DCC: variants seen among roughly 807,000 people sequenced by gnomAD.
The protein encoded by DCC is DCC netrin 1 receptor, also known as netrin receptor DCC.
A neutral mutation model predicts 172.5 loss-of-function variants in DCC; 58 were observed. That is an observed-to-expected ratio of 0.34 (90% confidence interval 0.27 to 0.42). The LOEUF is 0.42. DCC is among the 10% of genes least tolerant of loss of function. The pLI, the probability that DCC is intolerant of heterozygous loss-of-function variation, is 1.00. For synonymous variants in DCC, 709 were observed against 644.5 expected, an observed-to-expected ratio of 1.10 and a Z score of -1.52; for missense variants, 1,740 against 1,791.0, an observed-to-expected ratio of 0.97 and a Z score of 0.51.
rs77235945 is a variant in DCC at position 53,169,003 on chromosome 18, T to C, written c.1419-9959T>C. Among the ~76,000 whole-genome samples the C allele has an allele frequency of 7.9e-4, 120 of 152,268 alleles. 4 individuals are homozygous for C. In the East Asian group the frequency reaches 0.022, roughly 27 times the overall value. Reference sequence around the variant, plus strand: ...ATTGAGAAGACTAATGGCAAAATGCTAGAAAAAGCTATTATTATAATGCAA... The same window carrying C: ...ATTGAGAAGACTAATGGCAAAATGCCAGAAAAAGCTATTATTATAATGCAA... On this transcript the variant is annotated intron_variant, in intron 8 of 28. Coordinates refer to ENST00000442544, the MANE Select transcript of DCC (RefSeq NM_005215.4).
chr18:52,447,909 A>G (rs921995293), intron 1 of DCC, among the ~76,000 whole-genome samples: 1 of 152,302 alleles, frequency 6.6e-6, no homozygotes, highest in South Asian at 2.1e-4. Context: ...ACCTCCCACG[A>G]GGCCCCACCT....
rs66817508 is a variant in DCC, at chr18:53,427,885, TA to T, written c.3164-7257del. On this transcript the variant is annotated intron_variant, in intron 21 of 28. Coordinates refer to ENST00000442544, the MANE Select transcript of DCC (RefSeq NM_005215.4). ...TATAATATATAAATATATACATATA[TA>T]ATATAATAAATTATATATAATATAT... Among the ~76,000 whole-genome samples the T allele has an allele frequency of 1.4e-3, 56 of 40,856 alleles. 1 individual carries two copies. The highest frequency in any genetic ancestry group is 3.6e-3 in the Non-Finnish European group (44 of 12,084). The allele number at this position is 40,856 out of a possible 152,430, so 26.8% of individuals were successfully genotyped here.
At chr18:53,181,410 T>G (rs533107598) in intron 9 of DCC, among the ~76,000 whole-genome samples, 7 of 145,788 alleles carry the variant, frequency 4.8e-5, no homozygotes, top group Non-Finnish European at 9.0e-5. Flanking sequence ...AAATTTTACT[T>G]CTTTTTTTTT....
intron 7 of DCC, among the ~76,000 whole-genome samples, chr18:53,089,576 T>TA (rs920548901): frequency 5.9e-4 from 66 of 112,800 alleles, no homozygotes; most frequent in Admixed American, 3.6e-3. Flanking sequence ...TCCTCCTAAC[T>TA]AAAAAAAAAA....
At chr18:52,497,937 G>T (rs551221024) in intron 1 of DCC, among the ~76,000 whole-genome samples, 379 of 152,200 alleles carry the variant, frequency 2.5e-3, no homozygotes, top group Middle Eastern at 3.4e-3. Flanking sequence ...GCTACAGAGG[G>T]TCAGATAGTA....
intron 12 of DCC, among the ~76,000 whole-genome samples, chr18:53,225,547 G>A (rs2056013745): frequency 6.6e-6 from 1 of 152,122 alleles, no homozygotes; most frequent in Non-Finnish European, 1.5e-5. Flanking sequence ...AGGTCTGGAT[G>A]CTGATATATT....
intron 7 of DCC, among the ~76,000 whole-genome samples, chr18:53,086,455 C>CTTCTTCTTCTTCTTCTTCCT (rs2042904675): frequency 2.4e-5 from 1 of 41,992 alleles, no homozygotes; most frequent in Admixed American, 1.9e-4. Flanking sequence ...TTCTTCCTTT[C>CTTCTTCTTCTTCTTCTTCCT]TTCTTCTTCT....
intron 2 of DCC, among the ~76,000 whole-genome samples, chr18:52,759,684 A>G (rs1432408183): frequency 6.6e-6 from 1 of 152,222 alleles, no homozygotes; most frequent in Non-Finnish European, 1.5e-5. Context: ...AAAAACGTCA[A>G]GATAAAAAAG....
At chr18:53,391,493 C>T (rs143902642) in intron 16 of DCC, among the ~76,000 whole-genome samples, 162 bp from the exon 17 acceptor site, 3 of 152,124 alleles carry the variant, frequency 2.0e-5, no homozygotes, top group East Asian at 1.9e-4. Flanking sequence ...ATGTGTTTTC[C>T]GATTGAATTA....
intron 1 of DCC, among the ~76,000 whole-genome samples, chr18:52,638,042 C>A (rs933358483): frequency 2.0e-5 from 3 of 152,102 alleles, no homozygotes; most frequent in African/African-American, 7.2e-5. Context: ...AATTATCAGG[C>A]AAACATTTTG....
intron 2 of DCC, among the ~76,000 whole-genome samples, chr18:52,822,503 A>G (rs1308894934): frequency 6.6e-6 from 1 of 152,210 alleles, no homozygotes; most frequent in Non-Finnish European, 1.5e-5. Context: ...AAATGTAAGG[A>G]AACTAACATA....
At chr18:52,373,775 C>T (rs1420183459) in intron 1 of DCC, among the ~76,000 whole-genome samples, 3 of 152,256 alleles carry the variant, frequency 2.0e-5, no homozygotes, top group African/African-American at 4.8e-5. Flanking sequence ...ATGATGCTAA[C>T]ACCTTAGTCA....
At chr18:52,708,538 G>A (rs2036247183) in intron 1 of DCC, among the ~76,000 whole-genome samples, 1 of 152,026 alleles carries the variant, frequency 6.6e-6, no homozygotes, top group African/African-American at 2.4e-5. Context: ...AGAGGCCAAA[G>A]GCAAAAGATG....
intron 1 of DCC, among the ~76,000 whole-genome samples, chr18:52,341,287 T>C (rs2144217461): frequency 6.6e-6 from 1 of 152,012 alleles, no homozygotes; most frequent in South Asian, 2.1e-4. Flanking sequence ...TCCAGGGGCT[T>C]TGAGGAAGTC....
At chr18:52,544,473 C>A (rs563624157) in intron 1 of DCC, among the ~76,000 whole-genome samples, 2 of 150,410 alleles carry the variant, frequency 1.3e-5, no homozygotes, top group African/African-American at 4.9e-5. Flanking sequence ...TGTGGCACCA[C>A]AAGACATTCC....
chr18:52,949,611 T>G (rs145037869), intron 5 of DCC, among the ~76,000 whole-genome samples: 2,068 of 152,334 alleles, frequency 0.014, 62 homozygotes, highest in African/African-American at 0.048. Context: ...GATTTAATCC[T>G]AAGTTCTGAT....
At chr18:52,573,636 C>G (rs971999000) in intron 1 of DCC, among the ~76,000 whole-genome samples, 2 of 152,152 alleles carry the variant, frequency 1.3e-5, no homozygotes, top group African/African-American at 4.8e-5. Flanking sequence ...CTGGTGAGAT[C>G]ATCTGCTGTC....
chr18:53,415,322 G>T (rs762493764), intron 20 of DCC, among the ~76,000 whole-genome samples: 13 of 151,936 alleles, frequency 8.6e-5, no homozygotes, highest in Non-Finnish European at 1.5e-4. Flanking sequence ...AGTTAAATAC[G>T]CCCAAAAGAC....
intron 5 of DCC, among the ~76,000 whole-genome samples, chr18:52,964,256 A>C (rs2040892637): frequency 6.6e-6 from 1 of 152,168 alleles, no homozygotes; most frequent in African/African-American, 2.4e-5. Flanking sequence ...GCTCATTCCA[A>C]AAAGGGAAAT....
Sources: allele counts gnomAD v4.1 joint callset (sites outside exome capture counted in the v4.1 genomes callset), GRCh38; gene constraint gnomAD v4.1.1; transcripts MANE v1.5; gene names NCBI Gene and HGNC (gene_info 2026-07-23, HGNC 2026-07-21).